NUSAP1: variants seen among roughly 807,000 people sequenced by gnomAD.
NUSAP1 encodes nucleolar and spindle associated protein 1, also known as nucleolar and spindle-associated protein 1.
In NUSAP1, 32 loss-of-function variants were observed where a neutral mutation model predicts 52.8. That is an observed-to-expected ratio of 0.61 (90% CI 0.46 to 0.81). The LOEUF is 0.81. Ranked by LOEUF, NUSAP1 falls within the 40% of genes least tolerant of loss-of-function variation. The pLI, the probability that NUSAP1 is intolerant of heterozygous loss-of-function variation, is 0.00. For missense variants in NUSAP1, 499 were observed against 522.3 expected, an observed-to-expected ratio of 0.96 and a Z score of 0.43; for synonymous variants, 195 against 183.1, an observed-to-expected ratio of 1.06 and a Z score of -0.52.
intron 2 of NUSAP1, among the ~76,000 whole-genome samples, chr15:41,346,397 G>T (rs1049308580): frequency 6.6e-6 from 1 of 151,852 alleles, no homozygotes; most frequent in Non-Finnish European, 1.5e-5. Context: ...CTTTTGGCTT[G>T]ACCTCAAGCA....
intron 1 of NUSAP1, among the ~76,000 whole-genome samples, chr15:41,335,653 A>G (rs1361541344): frequency 7.1e-6 from 1 of 140,292 alleles, no homozygotes; most frequent in Non-Finnish European, 1.5e-5. Context: ...AATATATTAA[A>G]TATATAAATA....
At chr15:41,341,238 G>T (rs2048356033) in intron 1 of NUSAP1, among the ~76,000 whole-genome samples, 1 of 151,880 alleles carries the variant, frequency 6.6e-6, no homozygotes, top group Non-Finnish European at 1.5e-5. Flanking sequence ...GCTAATTTTT[G>T]TTTTTTTATT....
At chr15:41,341,299 C>T (rs1286510639) in intron 1 of NUSAP1, among the ~76,000 whole-genome samples, 4 of 152,192 alleles carry the variant, frequency 2.6e-5, no homozygotes, top group African/African-American at 7.2e-5. Context: ...CCCCTGACCT[C>T]GTGATCCACC....
At chr15:41,364,555 A>G (rs1001224180) in intron 6 of NUSAP1, among the ~76,000 whole-genome samples, 1 of 152,088 alleles carries the variant, frequency 6.6e-6, no homozygotes, top group Non-Finnish European at 1.5e-5. Context: ...CATTTAAAAA[A>G]AAAGAAAGAA....
Position 41,355,770 on chromosome 15 carries a change from G to A in NUSAP1, c.449-269G>A, listed in dbSNP as rs564540424. The stretch of plus-strand genomic sequence containing the variant: ...CGGCTCACTGCAAGTTCCGCCTCCC[G>A]GGTTCACACCATTCTCCTGCCTCAA... On this transcript the variant is annotated intron_variant, in intron 4 of 10. Transcript: ENST00000559596. Among the ~76,000 whole-genome samples, 10 of 151,566 alleles carry A rather than the reference G, an allele frequency of 6.6e-5. No homozygotes were observed. The East Asian group carries it at 7.8e-4, about 12-fold the overall frequency.
chr15:41,364,727 G>A (rs1405922314), intron 6 of NUSAP1, among the ~76,000 whole-genome samples: 1 of 152,108 alleles, frequency 6.6e-6, no homozygotes, highest in African/African-American at 2.4e-5. Context: ...AATTAGCTGG[G>A]CATGGTGGCA....
chr15:41,360,600 G>A (rs1049460825), intron 6 of NUSAP1, among the ~76,000 whole-genome samples: 1 of 152,076 alleles, frequency 6.6e-6, no homozygotes, highest in African/African-American at 2.4e-5. Context: ...ACAGGCATAA[G>A]CCACGGCGCC....
Position 41,380,216 on chromosome 15 carries a change from G to T in NUSAP1, c.*30G>T. 1 of 1,457,666 alleles carries T rather than the reference G, an allele frequency of 6.9e-7. No homozygotes were observed. Among genetic ancestry groups the T allele is most frequent in the Admixed American group, 2.3e-5 (1 of 43,124 alleles). 90.3% of individuals were successfully genotyped at this position (1,457,666 alleles called of 1,614,324 possible). ...TTTTTAACATCTTGTAAATATTCCT[G>T]TATTCTCAACTTTTTTCCTTTTGTA... On this transcript the variant is annotated 3_prime_UTR_variant, in exon 11 of 11. Coordinates refer to ENST00000559596, the MANE Select transcript of NUSAP1 (RefSeq NM_016359.5).
chr15:41,356,387 C>T (rs1336208224), intron 5 of NUSAP1, among the ~76,000 whole-genome samples: 1 of 124,060 alleles, frequency 8.1e-6, no homozygotes, highest in Non-Finnish European at 1.6e-5. Context: ...CAGAGTCTTG[C>T]TCTGTCACCC....
chr15:41,335,854 AAAT>A (rs1446862291), intron 1 of NUSAP1, among the ~76,000 whole-genome samples: 1 of 148,374 alleles, frequency 6.7e-6, no homozygotes, highest in Non-Finnish European at 1.5e-5. Context: ...TAAATATACT[AAAT>A]ATACTATATT....
At chr15:41,343,255 GT>G (rs2048428267) in intron 2 of NUSAP1, 1 of 152,250 alleles carries the variant, frequency 6.6e-6, no homozygotes, top group Non-Finnish European at 1.5e-5. Flanking sequence ...GCTGATGGGA[GT>G]TGTCATGGCC....
chr15:41,366,430 C>T (rs928180933), intron 7 of NUSAP1, among the ~76,000 whole-genome samples: 3 of 151,842 alleles, frequency 2.0e-5, no homozygotes, highest in Non-Finnish European at 4.4e-5. Context: ...ACTACAGGCA[C>T]GTACCACCAC....
chr15:41,356,354 C>CTTTTTTTT (rs398026995), intron 5 of NUSAP1, among the ~76,000 whole-genome samples: 4 of 124,648 alleles, frequency 3.2e-5, no homozygotes, highest in Non-Finnish European at 3.3e-5. Flanking sequence ...CTATTTCTTT[C>CTTTTTTTT]TTTTTTTTTT....
chr15:41,369,769 A>G lies in NUSAP1; in HGVS notation c.849-1758A>G, dbSNP rs535536772. On this transcript the variant is annotated intron_variant, in intron 7 of 10. Transcript: ENST00000559596. ...ATGAAGGCTCATTGTTATTTTATGA[A>G]CCATTAAGACAAATTAGACCAGGCA... 5.3e-5 allele frequency among the ~76,000 whole-genome samples: 8 copies of G among 152,020 alleles called. No individual in the cohort carries two copies. In the South Asian group the frequency reaches 1.7e-3, roughly 32 times the overall value.
At chr15:41,378,271 A>G (rs1336954939) in intron 10 of NUSAP1, among the ~76,000 whole-genome samples, 1 of 152,214 alleles carries the variant, frequency 6.6e-6, no homozygotes, top group African/African-American at 2.4e-5. Flanking sequence ...CACTCCTAAG[A>G]AAACCAGGCT....
In NUSAP1 at chr15:41,359,586, A is replaced by AT. The variant is rs903944371; in HGVS notation, c.660+1332dup. On this transcript the variant is annotated intron_variant, in intron 6 of 10. Transcript: ENST00000559596. ...AGCTTAATTGAAATAATAAACATTC[A>AT]TTTTAACGATGTAAAACCACTGTTA... is the stretch of plus-strand genomic sequence containing the variant. Among the ~76,000 whole-genome samples, 20 of 151,500 alleles carry AT rather than the reference A, an allele frequency of 1.3e-4. No individual in the cohort carries two copies. In the South Asian group the frequency reaches 2.7e-3, roughly 21 times the overall value.
chr15:41,375,908 A>G lies in NUSAP1; in HGVS notation c.1123+80A>G, dbSNP rs1170345970. On this transcript the variant is annotated intron_variant, in intron 9 of 10. Transcript: ENST00000559596. ...ACGCAGTGGCTCACACCTACTAAAC[A>G]TACAAAAATTAGCCAGGCGTGGTGG... The G allele has an allele frequency of 5.2e-6, 5 of 956,662 alleles. No individual in the cohort carries two copies. The African/African-American group carries it at 6.5e-5, about 12-fold the overall frequency. The allele number at this position is 956,662 out of a possible 1,614,324, so 59.3% of individuals were successfully genotyped here.
chr15:41,339,720 T>C (rs2048308112), intron 1 of NUSAP1, among the ~76,000 whole-genome samples: 1 of 150,300 alleles, frequency 6.7e-6, no homozygotes, highest in African/African-American at 2.4e-5. Context: ...CTACTTTGAC[T>C]TTTCTATAGG....
intron 10 of NUSAP1, among the ~76,000 whole-genome samples, chr15:41,379,233 C>A (rs1027442787): frequency 3.3e-5 from 5 of 151,444 alleles, no homozygotes; most frequent in Non-Finnish European, 7.4e-5. Flanking sequence ...GGATTACAGG[C>A]GTGAGCTACC....
Sources: allele counts gnomAD v4.1 joint callset (sites outside exome capture counted in the v4.1 genomes callset), GRCh38; gene constraint gnomAD v4.1.1; transcripts MANE v1.5; gene names NCBI Gene and HGNC (gene_info 2026-07-23, HGNC 2026-07-21).